The following CFAP91 variants were observed in gnomAD, a reference collection of about 807,000 sequenced individuals.
CFAP91 encodes the protein cilia and flagella associated protein 91, also known as cilia- and flagella-associated protein 91.
In CFAP91, 85 loss-of-function variants were observed where a neutral mutation model predicts 95.9. The observed-to-expected ratio is 0.89, with a 90% CI of 0.74 to 1.06. The LOEUF (loss-of-function observed/expected upper bound fraction) is 1.06. Ranked by LOEUF, CFAP91 falls within the 50% of genes least tolerant of loss-of-function variation. The probability of loss-of-function intolerance (pLI) is 0.00; values close to 1 mark genes in which losing one functional copy is unlikely to be tolerated. For synonymous variants in CFAP91, 335 were observed against 327.5 expected (o/e 1.02, Z -0.25); for missense variants, 962 against 943.4 (o/e 1.02, Z -0.26).
intron 11 of CFAP91, among the ~76,000 whole-genome samples, chr3:119,738,055 A>T (rs533701197): frequency 6.6e-6 from 1 of 152,236 alleles, no homozygotes; most frequent in Non-Finnish European, 1.5e-5. Flanking sequence ...AGAGAGAACT[A>T]TAACTGCCTA....
intron 17 of CFAP91, among the ~76,000 whole-genome samples, chr3:119,758,164 T>C (rs2054469059): frequency 6.6e-6 from 1 of 152,136 alleles, no homozygotes; most frequent in South Asian, 2.1e-4. Flanking sequence ...GTGTGACTTT[T>C]TTCCAGCTCA....
chr3:119,758,938 A>G (rs1420190343), intron 17 of CFAP91, among the ~76,000 whole-genome samples: 3 of 152,094 alleles, frequency 2.0e-5, no homozygotes, highest in African/African-American at 7.2e-5. Context: ...CATTAAGATA[A>G]CTATATTACA....
intron 5 of CFAP91, among the ~76,000 whole-genome samples, chr3:119,714,791 T>C (rs1392412055): frequency 8.5e-5 from 13 of 152,246 alleles, no homozygotes. Context: ...GTTTGTGATA[T>C]TTTGAGGCAT....
At chr3:119,729,526 C>T (rs1280549792) in intron 7 of CFAP91, among the ~76,000 whole-genome samples, 2 of 151,888 alleles carry the variant, frequency 1.3e-5, no homozygotes, top group Non-Finnish European at 2.9e-5. Flanking sequence ...TGCCTGTAGT[C>T]CCAGCTACTC....
At chr3:119,705,512 A>C (rs2053341966) in intron 1 of CFAP91, among the ~76,000 whole-genome samples, 1 of 152,078 alleles carries the variant, frequency 6.6e-6, no homozygotes, top group African/African-American at 2.4e-5. Flanking sequence ...TGTTCTTCAG[A>C]TGTATCAGGC....
chr3:119,720,118 G>A (rs1442307823), intron 6 of CFAP91, among the ~76,000 whole-genome samples: 2 of 151,358 alleles, frequency 1.3e-5, no homozygotes, highest in Admixed American at 6.6e-5. Context: ...GCCGGACGCG[G>A]TGGCTCACCC....
intron 14 of CFAP91, among the ~76,000 whole-genome samples, chr3:119,746,018 T>G (rs1577237643): frequency 6.6e-6 from 1 of 152,326 alleles, no homozygotes; most frequent in South Asian, 2.1e-4. Flanking sequence ...GATAATCTGT[T>G]GAGGAGACAG....
At position 119,740,713 on chromosome 3, in the gene CFAP91, T is replaced by C. The variant is rs1313517942; in HGVS notation, c.1680+18T>C. 19 of 1,606,836 alleles carry C rather than the reference T, an allele frequency of 1.2e-5. No homozygotes were observed. Among genetic ancestry groups the C allele is most frequent in the Non-Finnish European group, 1.6e-5 (19 of 1,175,866 alleles). On this transcript the variant is annotated intron_variant, in intron 13 of 17. Transcript: ENST00000273390. ...AGCACAAGGTTTTCCTTTTTTTGTT[T>C]TCTTGTTACTTTCTTGTTAAATTTT...
At position 119,726,409 on chromosome 3, in the gene CFAP91, A is replaced by G. The variant is rs568979817; in HGVS notation, c.860+61A>G. Reference sequence around the variant, plus strand: ...CTGGTGGGAATAATGTTAATACTTTATATCTGCAAAGCATTCTCCCAAATG... The same window carrying G: ...CTGGTGGGAATAATGTTAATACTTTGTATCTGCAAAGCATTCTCCCAAATG... On this transcript the variant is annotated intron_variant, in intron 7 of 17. Transcript: ENST00000273390. 2.8e-5 allele frequency: 40 copies of G among 1,436,038 alleles called. No homozygotes were observed. The East Asian group carries it at 5.4e-4, about 20-fold the overall frequency. 89.0% of individuals were successfully genotyped at this position (1,436,038 alleles called of 1,614,324 possible).
chr3:119,729,597 T>G (rs1367661682), intron 7 of CFAP91, among the ~76,000 whole-genome samples: 1 of 150,030 alleles, frequency 6.7e-6, no homozygotes, highest in Non-Finnish European at 1.5e-5. Flanking sequence ...TGAGCTTAGA[T>G]CAGGCTACTG....
chr3:119,708,944 A>G (rs1013041357), intron 4 of CFAP91, among the ~76,000 whole-genome samples: 2 of 151,762 alleles, frequency 1.3e-5, no homozygotes, highest in Non-Finnish European at 2.9e-5. Flanking sequence ...TGGGGTTCCA[A>G]CTAAGCCTGC....
chr3:119,711,965 C>T (rs985443392), intron 5 of CFAP91, among the ~76,000 whole-genome samples: 1 of 152,208 alleles, frequency 6.6e-6, no homozygotes, highest in African/African-American at 2.4e-5. Context: ...ACAGTGCATG[C>T]TCCTGGTGCC....
At chr3:119,760,237 A>C (rs969465010) in intron 17 of CFAP91, among the ~76,000 whole-genome samples, 7 of 151,942 alleles carry the variant, frequency 4.6e-5, no homozygotes, top group Non-Finnish European at 8.8e-5. Flanking sequence ...GTGTAGCTAA[A>C]CTTACATCAG....
intron 17 of CFAP91, among the ~76,000 whole-genome samples, chr3:119,754,814 C>T (rs148635548): frequency 9.1e-4 from 138 of 152,258 alleles, no homozygotes; most frequent in African/African-American, 3.3e-3. Context: ...GGACACTTAC[C>T]TAGAGCCATG....
chr3:119,749,043 G>A (rs2054275986), intron 16 of CFAP91: 1 of 152,238 alleles, frequency 6.6e-6, no homozygotes, highest in African/African-American at 2.4e-5. Context: ...TTCAGATCAA[G>A]TAATATATTT....
At chr3:119,761,662 C>T (rs767420956) in intron 17 of CFAP91, among the ~76,000 whole-genome samples, 12 of 151,882 alleles carry the variant, frequency 7.9e-5, no homozygotes, top group Admixed American at 2.0e-4. Flanking sequence ...ATTCATCCTA[C>T]AGATGCAAGA....
At chr3:119,712,954 C>G (rs973402078) in intron 5 of CFAP91, among the ~76,000 whole-genome samples, 1 of 123,178 alleles carries the variant, frequency 8.1e-6, no homozygotes, top group African/African-American at 3.2e-5. Flanking sequence ...GACTCCATCT[C>G]AAAAAACAAA....
chr3:119,712,949 C>T (rs1278969616), intron 5 of CFAP91, among the ~76,000 whole-genome samples: 1 of 142,390 alleles, frequency 7.0e-6, no homozygotes, highest in African/African-American at 2.6e-5. Context: ...AGTGAGACTC[C>T]ATCTCAAAAA....
intron 4 of CFAP91, 40 bp downstream of exon 4, chr3:119,708,714 T>TC: frequency 6.9e-6 from 8 of 1,157,878 alleles, no homozygotes; most frequent in Non-Finnish European, 1.0e-5. Flanking sequence ...GCCCTAATAT[T>TC]ATTAGAGAAC....
Sources: allele counts gnomAD v4.1 joint callset (sites outside exome capture counted in the v4.1 genomes callset), GRCh38; gene constraint gnomAD v4.1.1; transcripts MANE v1.5; gene names NCBI Gene and HGNC (gene_info 2026-07-23, HGNC 2026-07-21).